RNF6: variants seen among roughly 807,000 people sequenced by gnomAD.
The protein encoded by RNF6 is E3 ubiquitin-protein ligase RNF6.
In RNF6, 21 loss-of-function variants were observed where a neutral mutation model predicts 50.1. The observed-to-expected ratio is 0.42, with a 90% CI of 0.30 to 0.60. RNF6 has a LOEUF of 0.60. Ranked by LOEUF, RNF6 falls within the 20% of genes least tolerant of loss-of-function variation. RNF6 has a pLI of 0.20. For missense variants in RNF6, 698 were observed against 838.2 expected (o/e 0.83, Z 2.07); for synonymous variants, 255 against 291.8 (o/e 0.87, Z 1.29).
At chr13:26,151,266 CTTT>C (rs879629924) in intron 5 of RNF6, among the ~76,000 whole-genome samples, 1 of 147,062 alleles carries the variant, frequency 6.8e-6, no homozygotes, top group African/African-American at 2.5e-5. Flanking sequence ...GGTCTGATAT[CTTT>C]TTTTTTTTTA....
intron 5 of RNF6, chr13:26,154,143 G>A (rs929820296): frequency 2.6e-5 from 4 of 152,344 alleles, no homozygotes; most frequent in East Asian, 1.9e-4. Flanking sequence ...CAAAAATCGA[G>A]GGAGAAATGA....
intron 5 of RNF6, among the ~76,000 whole-genome samples, chr13:26,149,920 GTATATA>G: frequency 3.1e-5 from 1 of 32,312 alleles, no homozygotes; most frequent in South Asian, 8.5e-4. Context: ...TATATAATGT[GTATATA>G]TATATACACA....
chr13:26,161,287 A>AT (rs869167420), intron 5 of RNF6, among the ~76,000 whole-genome samples: 1 of 152,198 alleles, frequency 6.6e-6, no homozygotes, highest in Non-Finnish European at 1.5e-5. Flanking sequence ...CTTTTATAAT[A>AT]TTTTTAAAAA....
intron 5 of RNF6, among the ~76,000 whole-genome samples, chr13:26,199,367 A>G (rs1178685589): frequency 6.6e-6 from 1 of 152,220 alleles, no homozygotes; most frequent in East Asian, 1.9e-4. Flanking sequence ...GCCACACTAA[A>G]AATGATCTCA....
chr13:26,179,268 C>A (rs912727380), intron 5 of RNF6, among the ~76,000 whole-genome samples: 1 of 152,134 alleles, frequency 6.6e-6, no homozygotes, highest in Admixed American at 6.6e-5. Flanking sequence ...GACAGACACT[C>A]GCATAACAAG....
chr13:26,220,899 G>A (rs1870414190), intron 2 of RNF6, among the ~76,000 whole-genome samples: 2 of 152,118 alleles, frequency 1.3e-5, no homozygotes, highest in Admixed American at 1.3e-4. Context: ...AAATACTGTT[G>A]GAGTAAGCAA....
At position 26,175,137 on chromosome 13, in the gene RNF6, A is replaced by G. The variant is rs566896430; in HGVS notation, n.768+40337T>C. Among the ~76,000 whole-genome samples, 308 of 152,068 alleles carry G rather than the reference A, an allele frequency of 2.0e-3. 3 individuals are homozygous for G. Among genetic ancestry groups the G allele is most frequent in the East Asian group, 2.3e-3 (12 of 5,142 alleles). On this transcript the variant is annotated intron_variant and non_coding_transcript_variant, in intron 5 of 5. Coordinates refer to the RNF6 transcript ENST00000468480. ...GCTCTGTCACCCAGGCTGGAGTGCA[A>G]TGGCGTGATCTCGGCTCACTGCAAC...
At chr13:26,163,492 C>G (rs1872311429) in intron 5 of RNF6, among the ~76,000 whole-genome samples, 1 of 152,126 alleles carries the variant, frequency 6.6e-6, no homozygotes, top group African/African-American at 2.4e-5. Context: ...TCTGTATAAG[C>G]TATACGTACC....
chr13:26,135,336 A>G (rs1368807342), intron 5 of RNF6, among the ~76,000 whole-genome samples: 1 of 148,026 alleles, frequency 6.8e-6, no homozygotes, highest in Admixed American at 6.9e-5. Context: ...TTTTATAGCA[A>G]TAATAGCAGT....
In RNF6 at chr13:26,222,265, TGGC is replaced by T. The variant is rs918835283; in HGVS notation, c.-367_-365del. The T allele has an allele frequency of 2.9e-4, 44 of 152,338 alleles. No individual in the cohort carries two copies. The highest frequency in any genetic ancestry group is 1.0e-3 in the African/African-American group (43 of 41,572). The allele number at this position is 152,338 out of a possible 1,614,324, so 9.4% of individuals were successfully genotyped here. A position where few individuals can be genotyped will look rare whatever the true frequency, so the allele number is the denominator to read the frequency against. On this transcript the variant is annotated 5_prime_UTR_variant, in exon 1 of 5. Coordinates refer to ENST00000381588, the MANE Select transcript of RNF6 (RefSeq NM_005977.4). ...TTTCCCGACAGCCACGCCGCCCACT[TGGC>T]GGCGGGGAGTCGCTCCGCAGCCGGC...
At chr13:26,184,008 ATATATATATATTTTTT>A (rs1443149441) in intron 5 of RNF6, among the ~76,000 whole-genome samples, 8 of 12,190 alleles carry the variant, frequency 6.6e-4, no homozygotes, top group Non-Finnish European at 1.8e-3. Context: ...ATATATATAT[ATATATATATATTTTTT>A]TTTTTTTTTT....
At chr13:26,200,871 G>C (rs903483524) in intron 5 of RNF6, among the ~76,000 whole-genome samples, 9 of 152,058 alleles carry the variant, frequency 5.9e-5, no homozygotes, top group African/African-American at 2.2e-4. Flanking sequence ...AATTCTGATG[G>C]GCATAATGCA....
chr13:26,154,569 G>A (rs1006968795), intron 5 of RNF6, among the ~76,000 whole-genome samples: 1 of 152,070 alleles, frequency 6.6e-6, no homozygotes, highest in Non-Finnish European at 1.5e-5. Context: ...CCACATACTG[G>A]TATTTATCTA....
intron 5 of RNF6, among the ~76,000 whole-genome samples, chr13:26,146,283 C>T (rs1164668872): frequency 1.3e-5 from 2 of 152,198 alleles, no homozygotes; most frequent in Admixed American, 6.5e-5. Flanking sequence ...GTCTGGAAGT[C>T]AGACTATTCT....
At chr13:26,196,525 T>C (rs1367445362) in intron 5 of RNF6, among the ~76,000 whole-genome samples, 1 of 149,604 alleles carries the variant, frequency 6.7e-6, no homozygotes, top group Non-Finnish European at 1.5e-5. Context: ...CCCAACTACT[T>C]GGGAGGCTGA....
At chr13:26,170,102 C>A (rs1405478851) in intron 5 of RNF6, among the ~76,000 whole-genome samples, 2 of 152,068 alleles carry the variant, frequency 1.3e-5, no homozygotes, top group East Asian at 3.9e-4. Flanking sequence ...ATGCCCTCAA[C>A]ACTAAGGGAG....
intron 5 of RNF6, among the ~76,000 whole-genome samples, chr13:26,202,629 TA>T (rs5802366): frequency 0.21 from 31,128 of 151,826 alleles, 3,716 homozygotes; most frequent in East Asian, 0.4. Flanking sequence ...AAAATAAATT[TA>T]AAAAAAATAC....
chr13:26,196,389 G>A (rs1340143731), intron 5 of RNF6, among the ~76,000 whole-genome samples: 6 of 152,164 alleles, frequency 3.9e-5, no homozygotes, highest in African/African-American at 1.4e-4. Context: ...GGTGGCTCAT[G>A]CCTGTAATCC....
chr13:26,190,984 TA>T (rs1868430272), intron 5 of RNF6, among the ~76,000 whole-genome samples: 1 of 152,160 alleles, frequency 6.6e-6, no homozygotes. Context: ...ATCCATAAAT[TA>T]GTTCTGAGAA....
Sources: gnomAD v4.1 joint callset for allele counts (sites outside exome capture counted in the v4.1 genomes callset) on GRCh38, gnomAD v4.1.1 for gene constraint, MANE v1.5 for transcripts, NCBI Gene and HGNC (gene_info 2026-07-23, HGNC 2026-07-21) for gene names.